Variants in DLG5 observed in about 807,000 individuals in gnomAD.
The protein encoded by DLG5 is discs large MAGUK scaffold protein 5.
DLG5 carries 48 observed loss-of-function variants against 189.8 expected under a neutral mutation model. The observed-to-expected ratio is 0.25, with a 90% CI of 0.20 to 0.32. The LOEUF (loss-of-function observed/expected upper bound fraction) is 0.32. Among genes scored for constraint, DLG5 ranks in the 10% least tolerant of loss-of-function variants. The pLI is 1.00. For missense variants in DLG5, 2,160 were observed against 2,544.7 expected (o/e 0.85, Z 3.25); for synonymous variants, 1,016 against 1,054.1 (o/e 0.96, Z 0.70).
chr10:77,793,555 GTTT>G (rs11285867), intron 31 of DLG5: 3 of 141,352 alleles, frequency 2.1e-5, no homozygotes, highest in Admixed American at 7.0e-5. Context: ...TTTGTTTTTT[GTTT>G]TTTTTTTTTT....
At chr10:77,877,951 C>T (rs11818687) in intron 1 of DLG5, among the ~76,000 whole-genome samples, 41,402 of 152,200 alleles carry the variant, frequency 0.27, 6,348 homozygotes, top group Non-Finnish European at 0.35. Flanking sequence ...GCAGCCAAGC[C>T]TCCATTATGC....
intron 7 of DLG5, among the ~76,000 whole-genome samples, chr10:77,839,269 G>A (rs1179876114): frequency 6.6e-6 from 1 of 152,220 alleles, no homozygotes; most frequent in East Asian, 1.9e-4. Context: ...GGGAGGCCAA[G>A]GTGGGTGGAT....
chr10:77,843,754 G>A, intron 5 of DLG5, 48 bp from the exon 6 acceptor site: 1 of 1,608,844 alleles, frequency 6.2e-7, no homozygotes, highest in Non-Finnish European at 8.5e-7. Context: ...GGAGGTGGCG[G>A]AGGAGACCTC....
chr10:77,829,773 G>A (rs752053832), intron 11 of DLG5, among the ~76,000 whole-genome samples: 2 of 152,196 alleles, frequency 1.3e-5, no homozygotes, highest in Admixed American at 1.3e-4. Flanking sequence ...AGGCCTCAGC[G>A]TCTTCATATG....
intron 1 of DLG5, among the ~76,000 whole-genome samples, chr10:77,904,250 G>T (rs1242852107): frequency 6.6e-6 from 1 of 152,184 alleles, no homozygotes; most frequent in Admixed American, 6.5e-5. Context: ...CACCATGTTA[G>T]AAGTGCCTTT....
rs756971917 is a variant in DLG5, at chr10:77,816,667, T to C, written c.3909A>G (p.Pro1303=). 8.7e-6 allele frequency: 14 copies of C among 1,613,356 alleles called. No homozygotes were observed. The highest frequency in any genetic ancestry group is 1.3e-5 in the African/African-American group (1 of 74,902). The stretch of plus-strand genomic sequence containing the variant: ...GGGTGTCGATGTTCAGGGGTGACTG[T>C]GGAGGAGTGCTGCATTCAGAATGTG... The part of the protein sequence containing the change: ...SVSHSECSTP[P]QSPLNIDTLS... Residue 1303 remains proline, a synonymous_variant, in exon 20 of 32, where the codon CCA becomes CCG. Transcript: ENST00000372391.
intron 18 of DLG5, 124 bp downstream of exon 18, chr10:77,817,653 C>T: frequency 1.3e-6 from 1 of 787,696 alleles, no homozygotes; most frequent in Non-Finnish European, 2.0e-6. Context: ...GAGAAATGAG[C>T]TCAGTCCCAG....
chr10:77,829,589 C>A, intron 11 of DLG5, 59 bp from the exon 12 acceptor site: 1 of 1,528,838 alleles, frequency 6.5e-7, no homozygotes, highest in African/African-American at 1.4e-5. Context: ...GCGGCTACCG[C>A]CCACAACTCT....
At chr10:77,934,833 G>C in the DLG5 span, among the ~76,000 whole-genome samples, 1 of 151,192 alleles carries the variant, frequency 6.6e-6, no homozygotes, top group Non-Finnish European at 1.5e-5. Context: ...ATACTAAATG[G>C]GTGCTGTTCT....
chr10:77,805,349 G>A (rs1841415944), intron 27 of DLG5, among the ~76,000 whole-genome samples: 1 of 152,166 alleles, frequency 6.6e-6, no homozygotes, highest in Admixed American at 6.5e-5. Context: ...AGGGCTTCCA[G>A]ATAGCTGCTG....
At chr10:77,838,567 C>T (rs148230808) in intron 7 of DLG5, among the ~76,000 whole-genome samples, 1 of 152,304 alleles carries the variant, frequency 6.6e-6, no homozygotes, top group East Asian at 1.9e-4. Context: ...TTGCCTCAGC[C>T]CACTCAGAAC....
At chr10:77,806,607 T>A in intron 26 of DLG5, 151 bp downstream of exon 26, 11 of 1,110,148 alleles carry the variant, frequency 9.9e-6, no homozygotes, top group Non-Finnish European at 1.4e-5. Context: ...ACCAGCACTT[T>A]TGGCAAAATG....
rs566373786 is a variant in DLG5, at chr10:77,816,859, C to G, written c.3874+148G>C. The G allele has an allele frequency of 1.6e-4, 209 of 1,337,816 alleles. No homozygotes were observed. The East Asian group carries it at 4.3e-3, about 28-fold the overall frequency. 82.9% of individuals were successfully genotyped at this position (1,337,816 alleles called of 1,614,324 possible). A position where few individuals can be genotyped will look rare whatever the true frequency, so the allele number is the denominator to read the frequency against. Reference sequence around the variant, plus strand: ...AGGCTCTGCATTGCCCCCTACCCCCCACACCACCAGGCCTACTGCTGGGCT... The same window carrying G: ...AGGCTCTGCATTGCCCCCTACCCCCGACACCACCAGGCCTACTGCTGGGCT... On this transcript the variant is annotated intron_variant, in intron 19 of 31. Coordinates refer to ENST00000372391, the MANE Select transcript of DLG5 (RefSeq NM_004747.4).
In DLG5 at chr10:77,871,889, A is replaced by G. The variant is rs577039414; in HGVS notation, c.305-2692T>C. Among the ~76,000 whole-genome samples, 134 of 152,182 alleles carry G rather than the reference A, an allele frequency of 8.8e-4. 1 individual carries two copies. The highest frequency in any genetic ancestry group is 3.0e-3 in the African/African-American group (123 of 41,520). On this transcript the variant is annotated intron_variant, in intron 1 of 31. Coordinates refer to ENST00000372391, the MANE Select transcript of DLG5 (RefSeq NM_004747.4). The stretch of plus-strand genomic sequence containing the variant: ...CCATCTCTCTTTCTATATCATACAC[A>G]TTACATGTTGCTTCAATATCTGTGA...
intron 13 of DLG5, among the ~76,000 whole-genome samples, chr10:77,828,486 CAAAAAAAA>C (rs34839290): frequency 7.5e-5 from 5 of 66,466 alleles, no homozygotes; most frequent in Middle Eastern, 0.013. Flanking sequence ...GACTCCATAT[CAAAAAAAA>C]AAAAAAAAAA....
chr10:77,812,484 G>C, intron 20 of DLG5, 107 bp from the exon 21 acceptor site: 1 of 1,290,208 alleles, frequency 7.8e-7, no homozygotes, highest in South Asian at 1.4e-5. Flanking sequence ...AAAGGGCCCC[G>C]AGCCTGGATG....
intron 7 of DLG5, among the ~76,000 whole-genome samples, chr10:77,840,639 A>C (rs1449899576): frequency 6.6e-6 from 1 of 152,160 alleles, no homozygotes; most frequent in African/African-American, 2.4e-5. Context: ...GAATTGCTTG[A>C]ACCCAGGAGG....
intron 3 of DLG5, among the ~76,000 whole-genome samples, chr10:77,855,897 A>T (rs1453158574): frequency 2.0e-5 from 3 of 152,224 alleles, no homozygotes; most frequent in Admixed American, 6.5e-5. Context: ...TCCTTCCCAG[A>T]AAGTCCTCTT....
At chr10:77,795,637 C>T (rs1299827369) in intron 29 of DLG5, among the ~76,000 whole-genome samples, 3 of 152,102 alleles carry the variant, frequency 2.0e-5, no homozygotes, top group Admixed American at 6.5e-5. Flanking sequence ...TCGAAGGCAC[C>T]GAGAGTCATA....
Sources: gnomAD v4.1 joint callset for allele counts (sites outside exome capture counted in the v4.1 genomes callset) on GRCh38, gnomAD v4.1.1 for gene constraint, MANE v1.5 for transcripts, NCBI Gene and HGNC (gene_info 2026-07-23, HGNC 2026-07-21) for gene names.